COL10A1: variants seen among roughly 807,000 people sequenced by gnomAD.
The protein encoded by COL10A1 is collagen type X alpha 1 chain.
Under a neutral mutation model 18.2 loss-of-function variants are expected in COL10A1, and 10 were observed. The observed-to-expected ratio is 0.55, with a 90% CI of 0.34 to 0.93. COL10A1 has a LOEUF of 0.93. COL10A1 is among the 40% of genes least tolerant of loss of function. The pLI, the probability that COL10A1 is intolerant of heterozygous loss-of-function variation, is 0.02. For missense variants in COL10A1, 897 were observed against 853.5 expected, an observed-to-expected ratio of 1.05 and a Z score of -0.64; for synonymous variants, 330 against 316.6, an observed-to-expected ratio of 1.04 and a Z score of -0.45.
chr6:116,120,247 G>A lies in COL10A1; in HGVS notation c.1869C>T (p.Tyr623=). The change falls in exon 3 of 3, where the codon TAC becomes TAT. Residue 623 remains tyrosine (Y), a synonymous_variant. Transcript: ENST00000651968. ...GLYKNGTPVM[Y]TYDEYTKGYL... is the part of the protein sequence containing the mutation. ...AGCCTTTGGTGTATTCATCATAGGT[G>A]TACATTACAGGGGTGCCATTCTTAT... 1 of 1,614,162 alleles carries A rather than the reference G, an allele frequency of 6.2e-7. No homozygotes were observed.
At chr6:116,196,024 A>C in the COL10A1 span, among the ~76,000 whole-genome samples, 1 of 151,846 alleles carries the variant, frequency 6.6e-6, no homozygotes, top group Non-Finnish European at 1.5e-5. Flanking sequence ...CTATTGTAAC[A>C]CTCATTGGTT....
At chr6:116,151,113 A>G (rs1780026992) in intron 1 of COL10A1, among the ~76,000 whole-genome samples, 1 of 152,034 alleles carries the variant, frequency 6.6e-6, no homozygotes, top group African/African-American at 2.4e-5. Context: ...TGCAGCTCCT[A>G]ATTGCAATTT....
upstream of COL10A1, chr6:116,158,886 C>A (rs996705312): frequency 2.0e-5 from 3 of 152,144 alleles, no homozygotes; most frequent in Non-Finnish European, 2.9e-5. Flanking sequence ...CTGTTGTTTT[C>A]CAGCAGTCAG....
chr6:116,162,020 C>T (rs1220428168), upstream of COL10A1, among the ~76,000 whole-genome samples: 1 of 151,802 alleles, frequency 6.6e-6, no homozygotes, highest in Non-Finnish European at 1.5e-5. Context: ...CCTAGATAGT[C>T]TATGTTTTTT....
At chr6:116,124,971 T>C (rs1779249269) in intron 2 of COL10A1, among the ~76,000 whole-genome samples, 1 of 152,224 alleles carries the variant, frequency 6.6e-6, no homozygotes, top group Non-Finnish European at 1.5e-5. Context: ...CTACCTTCTT[T>C]ATACAATTGG....
intron 1 of COL10A1, among the ~76,000 whole-genome samples, chr6:116,156,590 A>G (rs976606086): frequency 1.3e-5 from 2 of 152,224 alleles, no homozygotes; most frequent in Non-Finnish European, 2.9e-5. Flanking sequence ...AAGCATAAGG[A>G]AGTCTTCGTG....
At chr6:116,138,111 A>G (rs559602722) in intron 1 of COL10A1, among the ~76,000 whole-genome samples, 4 of 152,270 alleles carry the variant, frequency 2.6e-5, no homozygotes, top group East Asian at 3.9e-4. Flanking sequence ...GTCCAGCTCA[A>G]TAGCTGACAT....
the COL10A1 span, among the ~76,000 whole-genome samples, chr6:116,179,588 T>C: frequency 6.6e-6 from 1 of 152,140 alleles, no homozygotes; most frequent in East Asian, 1.9e-4. Context: ...ACAAAGACCT[T>C]TTTAAAAATT....
the COL10A1 span, among the ~76,000 whole-genome samples, chr6:116,207,659 A>C: frequency 1.8e-3 from 269 of 152,076 alleles, 1 homozygote; most frequent in African/African-American, 6.1e-3. Flanking sequence ...AATAAGACCA[A>C]AGAAGAAAAA....
At chr6:116,141,807 G>A (rs1477900235) in intron 1 of COL10A1, among the ~76,000 whole-genome samples, 1 of 148,050 alleles carries the variant, frequency 6.8e-6, no homozygotes, top group African/African-American at 2.5e-5. Flanking sequence ...TTCCAGTTGA[G>A]GATTATGATA....
At chr6:116,210,261 A>G in the COL10A1 span, among the ~76,000 whole-genome samples, 1 of 152,016 alleles carries the variant, frequency 6.6e-6, no homozygotes, top group South Asian at 2.1e-4. Context: ...TGTAAGGTTC[A>G]AAAAGAAGCT....
At position 116,119,944 on chromosome 6, in the gene COL10A1, G is replaced by T; in HGVS notation, c.*129C>A. The T allele has an allele frequency of 1.1e-6, 1 of 907,734 alleles. No individual in the cohort carries two copies. The highest frequency in any genetic ancestry group is 1.8e-6 in the Non-Finnish European group (1 of 565,966). The allele number at this position is 907,734 out of a possible 1,614,324, so 56.2% of individuals were successfully genotyped here. ...AGGGGGAAGGTTTGTTGGTCTGATAGCTCAAATCTGTATTTCAGAAAATAA... is the reference window on the plus strand; with the variant it reads ...AGGGGGAAGGTTTGTTGGTCTGATATCTCAAATCTGTATTTCAGAAAATAA... On this transcript the variant is annotated 3_prime_UTR_variant, in exon 3 of 3. Transcript: ENST00000651968.
At chr6:116,167,740 A>G in the COL10A1 span, among the ~76,000 whole-genome samples, 230 of 152,290 alleles carry the variant, frequency 1.5e-3, 1 homozygote, top group Middle Eastern at 0.014. Flanking sequence ...GTCAATGCCC[A>G]TGACCGTTGT....
At chr6:116,123,432 C>T (rs778911211) in intron 2 of COL10A1, among the ~76,000 whole-genome samples, 3 of 152,172 alleles carry the variant, frequency 2.0e-5, no homozygotes, top group Non-Finnish European at 4.4e-5. Context: ...CAAGGTAAAA[C>T]GACTACTTCC....
At chr6:116,132,578 CATCA>C (rs1314619568) in intron 1 of COL10A1, among the ~76,000 whole-genome samples, 1 of 152,012 alleles carries the variant, frequency 6.6e-6, no homozygotes, top group Non-Finnish European at 1.5e-5. Context: ...AGTTCATCCA[CATCA>C]ATCATTTTAT....
chr6:116,121,242 G>A lies in COL10A1; in HGVS notation c.874C>T (p.Pro292Ser). The change falls in exon 3 of 3, where the codon CCC becomes TCC. Residue 292 changes from proline to serine, a missense_variant. Physicochemically the swap from Pro to Ser is moderately conservative, Grantham distance 74 (BLOSUM62 -1). Coordinates refer to ENST00000651968, the MANE Select transcript of COL10A1 (RefSeq NM_000493.4). ...TTCCCAAAGCCAGGAGGCCCTGGGG[G>A]CCCAGCTATTCCTGGAGCCCCAGGG... ...GLPGAPGIAG[P>S]PGPPGFGKPG... 6.2e-7 allele frequency: 1 copy of A among 1,613,754 alleles called. No individual in the cohort carries two copies. The highest frequency in any genetic ancestry group is 8.5e-7 in the Non-Finnish European group (1 of 1,179,858).
chr6:116,163,054 G>A (rs1780374033), upstream of COL10A1, among the ~76,000 whole-genome samples: 1 of 149,400 alleles, frequency 6.7e-6, no homozygotes, highest in Admixed American at 6.7e-5. Context: ...GTGAACCCGG[G>A]AGGTGGAGCT....
chr6:116,146,028 GTCC>G (rs1326098879), intron 1 of COL10A1, among the ~76,000 whole-genome samples: 1 of 152,318 alleles, frequency 6.6e-6, no homozygotes, highest in Admixed American at 6.5e-5. Flanking sequence ...GTAAAAGGAT[GTCC>G]TCCTCGTTTT....
chr6:116,122,693 C>G (rs1779169151), intron 2 of COL10A1, among the ~76,000 whole-genome samples: 1 of 152,054 alleles, frequency 6.6e-6, no homozygotes, highest in African/African-American at 2.4e-5. Context: ...GGCTGGGCCA[C>G]AAGTATGGGG....
Sources: gnomAD v4.1 joint callset for allele counts (sites outside exome capture counted in the v4.1 genomes callset) on GRCh38, gnomAD v4.1.1 for gene constraint, MANE v1.5 for transcripts, NCBI Gene and HGNC (gene_info 2026-07-23, HGNC 2026-07-21) for gene names.